Variants in PCDH17 observed in about 807,000 individuals in gnomAD.
PCDH17 encodes the protein protocadherin 17, also known as protocadherin-17.
Under a neutral mutation model 67.7 loss-of-function variants are expected in PCDH17, and 21 were observed. The observed-to-expected ratio is 0.31, with a 90% CI of 0.22 to 0.45. The LOEUF (loss-of-function observed/expected upper bound fraction) is 0.45. Ranked by LOEUF, PCDH17 falls within the 20% of genes least tolerant of loss-of-function variation. The pLI is 1.00. For synonymous variants in PCDH17, 701 were observed against 656.7 expected (o/e 1.07, Z -1.03); for missense variants, 1,471 against 1,564.8 (o/e 0.94, Z 1.01).
chr13:57,674,323 T>TA (rs1410757698), intron 3 of PCDH17, among the ~76,000 whole-genome samples: 2 of 151,986 alleles, frequency 1.3e-5, no homozygotes, highest in Non-Finnish European at 2.9e-5. Flanking sequence ...TTTTATTTTT[T>TA]ATTTCATTTT....
intron 3 of PCDH17, among the ~76,000 whole-genome samples, chr13:57,699,750 C>T (rs1029974616): frequency 5.3e-5 from 8 of 151,710 alleles, no homozygotes; most frequent in African/African-American, 1.7e-4. Flanking sequence ...GATCTTCTAC[C>T]GCATTTTTTC....
chr13:57,644,707 G>T (rs1211360462), intron 1 of PCDH17, among the ~76,000 whole-genome samples: 1 of 151,514 alleles, frequency 6.6e-6, no homozygotes, highest in Admixed American at 6.6e-5. Flanking sequence ...GTTTTGCTCT[G>T]GTTAAAGGTT....
intron 1 of PCDH17, among the ~76,000 whole-genome samples, chr13:57,638,860 C>G (rs987394228): frequency 2.0e-4 from 30 of 151,948 alleles, no homozygotes; most frequent in African/African-American, 6.8e-4. Flanking sequence ...CCACTTTGCT[C>G]TAGTACAGGA....
At chr13:57,685,262 T>C (rs1005933415) in intron 3 of PCDH17, among the ~76,000 whole-genome samples, 6 of 152,010 alleles carry the variant, frequency 3.9e-5, no homozygotes, top group Non-Finnish European at 5.9e-5. Context: ...ATGCTCTTAA[T>C]ATGTAATACC....
intron 3 of PCDH17, among the ~76,000 whole-genome samples, chr13:57,716,589 C>T (rs566589266): frequency 6.6e-6 from 1 of 151,886 alleles, no homozygotes; most frequent in Non-Finnish European, 1.5e-5. Flanking sequence ...AATATTACAA[C>T]CTACGCTTTT....
At chr13:57,647,954 A>G (rs1253060247) in intron 1 of PCDH17, among the ~76,000 whole-genome samples, 1 of 151,972 alleles carries the variant, frequency 6.6e-6, no homozygotes, top group Non-Finnish European at 1.5e-5. Context: ...CATCATATAA[A>G]GAAAGAAACT....
chr13:57,663,916 T>G (rs1230710331), intron 1 of PCDH17, among the ~76,000 whole-genome samples: 1 of 152,066 alleles, frequency 6.6e-6, no homozygotes, highest in African/African-American at 2.4e-5. Flanking sequence ...GTTTGTTTGT[T>G]TATTTATTTT....
intron 1 of PCDH17, among the ~76,000 whole-genome samples, chr13:57,643,973 AT>A (rs1954935257): frequency 6.6e-6 from 1 of 151,812 alleles, no homozygotes; most frequent in South Asian, 2.1e-4. Context: ...TTAGAAAACA[AT>A]ACAAATGTTT....
intron 3 of PCDH17, among the ~76,000 whole-genome samples, chr13:57,679,088 A>G (rs189684075): frequency 6.6e-6 from 1 of 151,598 alleles, no homozygotes; most frequent in East Asian, 2.0e-4. Flanking sequence ...AACCTATGTC[A>G]GTTCAAGTCA....
chr13:57,661,312 T>A (rs919285519), intron 1 of PCDH17, among the ~76,000 whole-genome samples: 3 of 152,186 alleles, frequency 2.0e-5, no homozygotes, highest in African/African-American at 4.8e-5. Flanking sequence ...TATGATTTAG[T>A]GTTAAGCCTT....
intron 3 of PCDH17, among the ~76,000 whole-genome samples, chr13:57,724,333 T>C (rs1376955853): frequency 6.6e-6 from 1 of 152,184 alleles, no homozygotes; most frequent in Non-Finnish European, 1.5e-5. Context: ...TTTATGGTGA[T>C]GCTCTATTCT....
intron 3 of PCDH17, among the ~76,000 whole-genome samples, chr13:57,672,673 T>C (rs1031349024): frequency 6.6e-6 from 1 of 152,020 alleles, no homozygotes; most frequent in African/African-American, 2.4e-5. Context: ...TACTTTACAA[T>C]CTTCCCTATA....
chr13:57,651,864 T>A (rs890784707), intron 1 of PCDH17, among the ~76,000 whole-genome samples: 1 of 152,152 alleles, frequency 6.6e-6, no homozygotes, highest in Non-Finnish European at 1.5e-5. Context: ...AAAAGCAAAT[T>A]ACATAAAACA....
In PCDH17 at chr13:57,666,664, C is replaced by T; in HGVS notation, c.2628C>T (p.Ser876=). 2 of 1,610,552 alleles carry T rather than the reference C, an allele frequency of 1.2e-6. No individual in the cohort carries two copies. Among genetic ancestry groups the T allele is most frequent in the Non-Finnish European group, 1.7e-6 (2 of 1,178,162 alleles). ...MGSRQQFVQS[S]STFKDPERAS... ...TTTTTCTTTATATGTATTTCAGTAG[C>T]TCCACGTTTAAGGACCCAGAAAGAG... Residue 876 remains serine (S), a synonymous_variant, in exon 3 of 4, where the codon AGC becomes AGT. Coordinates refer to ENST00000377918, the MANE Select transcript of PCDH17 (RefSeq NM_001040429.3).
chr13:57,674,478 C>G (rs1955364184), intron 3 of PCDH17, among the ~76,000 whole-genome samples: 1 of 151,856 alleles, frequency 6.6e-6, no homozygotes, highest in Non-Finnish European at 1.5e-5. Context: ...ACACACACCA[C>G]TATACCTGGC....
intron 3 of PCDH17, among the ~76,000 whole-genome samples, chr13:57,698,230 T>C (rs1955629501): frequency 6.6e-6 from 1 of 151,482 alleles, no homozygotes; most frequent in Non-Finnish European, 1.5e-5. Flanking sequence ...TATATAAAGA[T>C]ATATACATAT....
At position 57,725,125 on chromosome 13, in the gene PCDH17, A is replaced by C; in HGVS notation, c.3311A>C (p.His1104Pro). 2 of 1,614,162 alleles carry C rather than the reference A, an allele frequency of 1.2e-6. No homozygotes were observed. Among genetic ancestry groups the C allele is most frequent in the Non-Finnish European group, 1.7e-6 (2 of 1,180,010 alleles). Residue 1104 changes from histidine to proline, a missense_variant, in exon 4 of 4, where the codon CAT (histidine) becomes CCT (proline). This residue lies in a region of PCDH17 where 297 missense variants were observed against 298.6 expected (regional missense o/e 0.99). Transcript: ENST00000377918. ...ATGGCAAGGGTCTTTGCAGATGTGC[A>C]TTCCAGAGCCAGCCGGGATTCCAGT... The part of the protein sequence containing the change: ...DQMARVFADV[H>P]SRASRDSSEM...
Position 57,707,870 on chromosome 13 carries a change from C to A in PCDH17, c.2798-16742C>A, listed in dbSNP as rs148676787. Among the ~76,000 whole-genome samples, 1,115 of 152,100 alleles carry A rather than the reference C, an allele frequency of 7.3e-3. 16 individuals are homozygous for A. The highest frequency in any genetic ancestry group is 0.025 in the African/African-American group (1,023 of 41,536). On this transcript the variant is annotated intron_variant, in intron 3 of 3. Transcript: ENST00000377918. ...TCTGTGTCTCTGTTTTCTCTTCTTA[C>A]AAGGACACAAGTCTTTGGATTAAGG... is the stretch of plus-strand genomic sequence containing the variant.
In PCDH17 at chr13:57,728,856, T is replaced by C. The variant is rs1306954807; in HGVS notation, c.*3562T>C. On this transcript the variant is annotated 3_prime_UTR_variant, in exon 4 of 4. Transcript: ENST00000377918. ...AAAATATGGCACCATAAAAAAGTCA[T>C]GTAGTAATAGAGCATATGCTTTTTT... The C allele has an allele frequency of 6.6e-6, 1 of 152,264 alleles. No individual in the cohort carries two copies. Among genetic ancestry groups the C allele is most frequent in the African/African-American group, 2.4e-5 (1 of 41,442 alleles). 9.4% of individuals were successfully genotyped at this position (152,264 alleles called of 1,614,324 possible). A position where few individuals can be genotyped will look rare whatever the true frequency, so the allele number is the denominator to read the frequency against.
Sources: gnomAD v4.1 joint callset for allele counts (sites outside exome capture counted in the v4.1 genomes callset) on GRCh38, gnomAD v4.1.1 for gene constraint, gnomAD v4.1.1 regional missense constraint, MANE v1.5 for transcripts, NCBI Gene and HGNC (gene_info 2026-07-23, HGNC 2026-07-21) for gene names.